LDHB: variants seen among roughly 807,000 people sequenced by gnomAD.
LDHB encodes the protein L-lactate dehydrogenase B chain.
LDHB carries 18 observed loss-of-function variants against 33.4 expected under a neutral mutation model. That is an observed-to-expected ratio of 0.54 (90% CI 0.37 to 0.80). The LOEUF is 0.80. Among genes scored for constraint, LDHB ranks in the 30% least tolerant of loss-of-function variants. The probability of loss-of-function intolerance (pLI) is 0.00; values close to 1 mark genes in which losing one functional copy is unlikely to be tolerated. For missense variants in LDHB, 345 were observed against 407.9 expected (o/e 0.85, Z 1.33); for synonymous variants, 121 against 140.6 (o/e 0.86, Z 0.98).
chr12:21,647,973 C>A (rs1046509938), intron 2 of LDHB, among the ~76,000 whole-genome samples: 1 of 151,816 alleles, frequency 6.6e-6, no homozygotes, highest in Non-Finnish European at 1.5e-5. Flanking sequence ...CTGGAATAGG[C>A]AGTGCTGGGC....
Position 21,635,441 on chromosome 12 carries a change from G to A in LDHB, c.*101C>T. On this transcript the variant is annotated 3_prime_UTR_variant, in exon 8 of 8. Coordinates refer to ENST00000350669, the MANE Select transcript of LDHB (RefSeq NM_002300.8). Reference sequence around the variant, plus strand: ...TGTGAGCCCAAATTCACATATTGAAGAAGATCAAAGCAAACTGTGATCCAT... The same window carrying A: ...TGTGAGCCCAAATTCACATATTGAAAAAGATCAAAGCAAACTGTGATCCAT... The A allele has an allele frequency of 1.0e-6, 1 of 970,002 alleles. No homozygotes were observed. Among genetic ancestry groups the A allele is most frequent in the Middle Eastern group, 3.2e-4 (1 of 3,124 alleles). The allele number at this position is 970,002 out of a possible 1,614,324, so 60.1% of individuals were successfully genotyped here.
At chr12:21,655,201 AG>A (rs1938807480) in intron 1 of LDHB, among the ~76,000 whole-genome samples, 1 of 152,248 alleles carries the variant, frequency 6.6e-6, no homozygotes, top group African/African-American at 2.4e-5. Context: ...GAAGCCCATT[AG>A]AATTGGATTT....
At chr12:21,638,588 G>T in intron 5 of LDHB, 118 bp from the exon 6 acceptor site, 1 of 719,646 alleles carries the variant, frequency 1.4e-6, no homozygotes, top group Middle Eastern at 3.4e-4. Context: ...AACTGGAACT[G>T]CTCCAATAAG....
At chr12:21,653,584 AT>A (rs1254513336) in intron 2 of LDHB, among the ~76,000 whole-genome samples, 1 of 152,198 alleles carries the variant, frequency 6.6e-6, no homozygotes, top group Non-Finnish European at 1.5e-5. Flanking sequence ...CAAATACGTC[AT>A]GGACATCTAT....
chr12:21,637,234 A>T (rs890653374), intron 6 of LDHB, 40 bp from the exon 7 acceptor site: 12 of 1,513,718 alleles, frequency 7.9e-6, no homozygotes, highest in Non-Finnish European at 1.1e-5. Flanking sequence ...AATAAGACTC[A>T]ATCATTATTG....
intron 6 of LDHB, among the ~76,000 whole-genome samples, chr12:21,638,107 G>A (rs1228448767): frequency 6.6e-6 from 1 of 151,920 alleles, no homozygotes; most frequent in Non-Finnish European, 1.5e-5. Context: ...CTTCTCACTT[G>A]TTAATTCCAC....
Position 21,635,477 on chromosome 12 carries a change from G to A in LDHB, c.*65C>T, listed in dbSNP as rs981940592. 4.5e-6 allele frequency: 6 copies of A among 1,341,514 alleles called. No individual in the cohort carries two copies. In the African/African-American group the frequency reaches 7.2e-5, roughly 16 times the overall value. 83.1% of individuals were successfully genotyped at this position (1,341,514 alleles called of 1,614,324 possible). On this transcript the variant is annotated 3_prime_UTR_variant, in exon 8 of 8. Transcript: ENST00000350669. ...CAAACTGTGATCCATGTACATGGAT[G>A]AAAACTAAAGGCTCGAGTTAATCAC...
rs200362342 is a variant in LDHB, at chr12:21,642,115, A to G, written c.432T>C (p.Leu144=). 6.2e-7 allele frequency: 1 copy of G among 1,612,790 alleles called. No individual in the cohort carries two copies. Among genetic ancestry groups the G allele is most frequent in the East Asian group, 2.2e-5 (1 of 44,852 alleles). The change falls in exon 5 of 8, where the codon CTT becomes CTC. Residue 144 remains leucine (L), a synonymous_variant. Transcript: ENST00000350669. Reference sequence around the variant, plus strand: ...CACTTAGTTTCCAGGTAACATACGTAAGAATGTCCACTAAAAATTTTGGAA... The same window carrying G: ...CACTTAGTTTCCAGGTAACATACGTGAGAATGTCCACTAAAAATTTTGGAA... ...IIVVSNPVDI[L]TYVTWKLSGL...
chr12:21,644,974 C>T (rs1019103008), intron 3 of LDHB, among the ~76,000 whole-genome samples: 1 of 152,142 alleles, frequency 6.6e-6, no homozygotes, highest in Non-Finnish European at 1.5e-5. Flanking sequence ...CAGACTGTTA[C>T]TGTGTCTGTG....
chr12:21,638,290 T>C, intron 6 of LDHB, 63 bp downstream of exon 6: 2 of 902,342 alleles, frequency 2.2e-6, no homozygotes, highest in South Asian at 1.3e-5. Context: ...ATGGAAAATG[T>C]TTATAATTTT....
chr12:21,650,213 C>G (rs576704413), intron 2 of LDHB, among the ~76,000 whole-genome samples: 1 of 152,036 alleles, frequency 6.6e-6, no homozygotes, highest in South Asian at 2.1e-4. Context: ...TATAACCTTT[C>G]TCAAATAATT....
At position 21,643,995 on chromosome 12, in the gene LDHB, T is replaced by C. The variant is rs753761460; in HGVS notation, c.361A>G (p.Ile121Val). Residue 121 changes from isoleucine (I) to valine (V), a missense_variant, in exon 4 of 8, where the codon ATT becomes GTT. Physicochemically the swap from Ile to Val is conservative, Grantham distance 29. Transcript: ENST00000350669. ...VQRNVNVFKF[I>V]IPQIVKYSPD... ...CTGTACTTGACGATCTGAGGAATAA[T>C]GAATTTGAAGACATTAACATTTCTC... The C allele has an allele frequency of 8.1e-6, 13 of 1,613,336 alleles. No individual in the cohort carries two copies. The Admixed American group carries it at 1.8e-4, about 23-fold the overall frequency.
chr12:21,640,202 G>T (rs938282614), intron 5 of LDHB, among the ~76,000 whole-genome samples: 2 of 150,956 alleles, frequency 1.3e-5, no homozygotes, highest in African/African-American at 4.9e-5. Flanking sequence ...TTAATAAACA[G>T]ATTTAGATCT....
Position 21,635,701 on chromosome 12 carries a change from A to G in LDHB, c.846T>C (p.Tyr282=). The G allele has an allele frequency of 1.9e-6, 3 of 1,613,656 alleles. No homozygotes were observed. The highest frequency in any genetic ancestry group is 1.3e-5 in the African/African-American group (1 of 75,026). ...HPVSTMVKGM[Y]GIENEVFLSL... is the part of the protein sequence containing the mutation. ...TCAGGAAGACTTCATTCTCAATGCC[A>G]TACATCCCCTGCCAGAACAACAAAG... The change falls in exon 8 of 8, where the codon TAT becomes TAC. Residue 282 remains tyrosine, a synonymous_variant. Transcript: ENST00000350669.
At chr12:21,647,142 C>A in intron 2 of LDHB, 126 bp from the exon 3 acceptor site, 1 of 666,042 alleles carries the variant, frequency 1.5e-6, no homozygotes, top group Non-Finnish European at 2.7e-6. Context: ...GAGAATTTTA[C>A]CATGGAGTTA....
At chr12:21,655,917 T>C (rs534165492) in intron 1 of LDHB, among the ~76,000 whole-genome samples, 4 of 152,362 alleles carry the variant, frequency 2.6e-5, no homozygotes, top group African/African-American at 4.8e-5. Context: ...CCCTGTCTTC[T>C]TGAACAGAGA....
chr12:21,635,816 C>T, intron 7 of LDHB, 107 bp from the exon 8 acceptor site: 1 of 932,776 alleles, frequency 1.1e-6, no homozygotes, highest in Admixed American at 2.0e-5. Context: ...GAGTTTGAAG[C>T]TTCAGTGAGC....
At chr12:21,636,054 CT>C (rs1441982057) in intron 7 of LDHB, among the ~76,000 whole-genome samples, 1 of 152,060 alleles carries the variant, frequency 6.6e-6, no homozygotes, top group Non-Finnish European at 1.5e-5. Context: ...CAAACATACA[CT>C]ATGAGAAAAT....
chr12:21,654,654 T>A lies in LDHB; in HGVS notation c.18A>T (p.Glu6Asp). The part of the protein sequence containing the change: MATLK[E>D]KLIAPVAEEE... ...CTTCCGCAACTGGTGCAATGAGTTT[T>A]TCCTTAAGAGTTGCCATTTTGCACT... Residue 6 changes from glutamate to aspartate, a missense_variant, in exon 2 of 8, where the codon GAA becomes GAT. Physicochemically the swap from Glu to Asp is conservative, Grantham distance 45 (BLOSUM62 2). Transcript: ENST00000350669. 1 of 1,614,048 alleles carries A rather than the reference T, an allele frequency of 6.2e-7. No homozygotes were observed. The highest frequency in any genetic ancestry group is 2.2e-5 in the East Asian group (1 of 44,878).
Sources: allele counts gnomAD v4.1 joint callset (sites outside exome capture counted in the v4.1 genomes callset), GRCh38; gene constraint gnomAD v4.1.1; transcripts MANE v1.5; gene names NCBI Gene and HGNC (gene_info 2026-07-23, HGNC 2026-07-21).